The following ZDHHC17 variants were observed in gnomAD, a reference collection of about 807,000 sequenced individuals.
ZDHHC17 encodes the protein zDHHC palmitoyltransferase 17, also known as palmitoyltransferase ZDHHC17.
ZDHHC17 carries 40 observed loss-of-function variants against 90.3 expected under a neutral mutation model. The ratio of observed to expected loss-of-function variants is 0.44; its 90% confidence interval spans 0.34 to 0.58. ZDHHC17 has a LOEUF of 0.58. Ranked by LOEUF, ZDHHC17 falls within the 20% of genes least tolerant of loss-of-function variation. The pLI is 0.01. For synonymous variants in ZDHHC17, 235 were observed against 252.4 expected (o/e 0.93, Z 0.65); for missense variants, 614 against 780.8 (o/e 0.79, Z 2.55).
At chr12:76,848,158 G>GTGC (rs1953517378) in intron 14 of ZDHHC17, 75 bp from the exon 15 acceptor site, 1 of 1,500,294 alleles carries the variant, frequency 6.7e-7, no homozygotes, top group Admixed American at 1.8e-5. Flanking sequence ...TTTCTAAATG[G>GTGC]TGCCAGCACA....
Position 76,766,637 on chromosome 12 carries a change from G to A in ZDHHC17, c.93+2308G>A, listed in dbSNP as rs142699927. 2.0e-3 allele frequency among the ~76,000 whole-genome samples: 299 copies of A among 152,264 alleles called. 2 individuals are homozygous for A. Among genetic ancestry groups the A allele is most frequent in the African/African-American group, 6.6e-3 (273 of 41,542 alleles). On this transcript the variant is annotated intron_variant, in intron 1 of 16. Coordinates refer to ENST00000426126, the MANE Select transcript of ZDHHC17 (RefSeq NM_015336.4). ...GAGAACATAGACTTTGGGTCAGACA[G>A]ACTTGGATTCTAATTCTGGAAATTC...
At chr12:76,838,605 GT>G (rs1953397274) in intron 10 of ZDHHC17, among the ~76,000 whole-genome samples, 1 of 152,158 alleles carries the variant, frequency 6.6e-6, no homozygotes. Flanking sequence ...CTTGCTGAAA[GT>G]TTTTCCTGAG....
chr12:76,835,358 C>T (rs982844722), intron 10 of ZDHHC17, among the ~76,000 whole-genome samples: 8 of 151,866 alleles, frequency 5.3e-5, no homozygotes, highest in South Asian at 2.1e-4. Context: ...GCCAGTCTTA[C>T]GCCATTTTGA....
At chr12:76,812,731 A>G (rs1953040495) in intron 5 of ZDHHC17, among the ~76,000 whole-genome samples, 1 of 151,964 alleles carries the variant, frequency 6.6e-6, no homozygotes, top group Non-Finnish European at 1.5e-5. Flanking sequence ...AATTATATCA[A>G]TTTTACATTG....
chr12:76,777,636 T>A (rs368808318), intron 1 of ZDHHC17, among the ~76,000 whole-genome samples: 3 of 152,242 alleles, frequency 2.0e-5, no homozygotes, highest in East Asian at 1.9e-4. Context: ...TACATTCCAA[T>A]CAGCAGTATA....
At chr12:76,777,071 G>A (rs1372820842) in intron 1 of ZDHHC17, among the ~76,000 whole-genome samples, 1 of 152,132 alleles carries the variant, frequency 6.6e-6, no homozygotes, top group Non-Finnish European at 1.5e-5. Flanking sequence ...GGATAGGATA[G>A]GATAGTATAT....
intron 10 of ZDHHC17, among the ~76,000 whole-genome samples, chr12:76,834,666 C>A (rs928625247): frequency 6.6e-6 from 1 of 152,104 alleles, no homozygotes; most frequent in Non-Finnish European, 1.5e-5. Context: ...ACAAGAGTTT[C>A]TCTGAGGTTA....
rs973646452 is a variant in ZDHHC17 at position 76,851,889 on chromosome 12, A to G, written c.*904A>G. On this transcript the variant is annotated 3_prime_UTR_variant, in exon 17 of 17. Transcript: ENST00000426126. ...AATTCTCAGTAATAGTGATACATGG[A>G]TATACTTCCTTTTAAATTCTCAGCT... 6.6e-6 allele frequency: 1 copy of G among 152,652 alleles called. No homozygotes were observed. The highest frequency in any genetic ancestry group is 6.5e-5 in the Admixed American group (1 of 15,288). 9.5% of individuals were successfully genotyped at this position (152,652 alleles called of 1,614,324 possible).
chr12:76,787,114 A>G (rs2137731415), intron 1 of ZDHHC17, among the ~76,000 whole-genome samples: 1 of 152,324 alleles, frequency 6.6e-6, no homozygotes, highest in East Asian at 1.9e-4. Context: ...AATTTTCCAG[A>G]GTCGTTTTAT....
chr12:76,847,243 GT>G (rs1368354110), intron 14 of ZDHHC17, among the ~76,000 whole-genome samples: 1 of 152,222 alleles, frequency 6.6e-6, no homozygotes, highest in Admixed American at 6.5e-5. Flanking sequence ...TCTGGAAAGA[GT>G]TTAAGTGGAT....
At chr12:76,770,082 A>G (rs912596810) in intron 1 of ZDHHC17, among the ~76,000 whole-genome samples, 1 of 152,128 alleles carries the variant, frequency 6.6e-6, no homozygotes, top group African/African-American at 2.4e-5. Flanking sequence ...CTGCATCCCA[A>G]TTTTCCAAAC....
intron 1 of ZDHHC17, among the ~76,000 whole-genome samples, chr12:76,787,935 G>A (rs1349816140): frequency 1.3e-5 from 2 of 152,282 alleles, no homozygotes; most frequent in East Asian, 3.9e-4. Flanking sequence ...GCTTAGCTGA[G>A]TGTGGTTGTG....
intron 16 of ZDHHC17, 116 bp from the exon 17 acceptor site, chr12:76,850,731 T>C: frequency 7.7e-7 from 1 of 1,305,436 alleles, no homozygotes; most frequent in South Asian, 1.5e-5. Context: ...TTCTTGCAAG[T>C]AACCTGAGTT....
At chr12:76,799,091 C>A (rs1205761254) in intron 2 of ZDHHC17, among the ~76,000 whole-genome samples, 1 of 152,070 alleles carries the variant, frequency 6.6e-6, no homozygotes, top group Non-Finnish European at 1.5e-5. Flanking sequence ...GAGATATAGT[C>A]ATGCCAATAC....
rs906299763 is a variant in ZDHHC17 at position 76,853,081 on chromosome 12, T to A, written c.*2096T>A. ...AAGAATGTTGTTACCATCTTCTTTG[T>A]TTGTGGTACAATATTTTCAGTGCAA... is the stretch of plus-strand genomic sequence containing the variant. On this transcript the variant is annotated 3_prime_UTR_variant, in exon 17 of 17. Coordinates refer to ENST00000426126, the MANE Select transcript of ZDHHC17 (RefSeq NM_015336.4). 2.0e-5 allele frequency: 3 copies of A among 152,192 alleles called. No individual in the cohort carries two copies. Among genetic ancestry groups the A allele is most frequent in the Non-Finnish European group, 2.9e-5 (2 of 68,014 alleles). The allele number at this position is 152,192 out of a possible 1,614,324, so 9.4% of individuals were successfully genotyped here.
intron 3 of ZDHHC17, among the ~76,000 whole-genome samples, chr12:76,806,637 A>G (rs561725922): frequency 1.3e-5 from 2 of 152,194 alleles, no homozygotes; most frequent in African/African-American, 4.8e-5. Context: ...GGCTTCCCAA[A>G]GTGCTGGGAT....
intron 3 of ZDHHC17, among the ~76,000 whole-genome samples, chr12:76,808,576 C>T (rs1355841973): frequency 6.6e-6 from 1 of 152,102 alleles, no homozygotes; most frequent in East Asian, 1.9e-4. Context: ...TTTAAAGGCA[C>T]AAGAAATAAC....
intron 1 of ZDHHC17, among the ~76,000 whole-genome samples, chr12:76,791,792 G>A (rs1952762723): frequency 6.6e-6 from 1 of 152,056 alleles, no homozygotes. Flanking sequence ...GCTATAAATT[G>A]GGTTCCCATG....
At chr12:76,772,873 A>G (rs778485077) in intron 1 of ZDHHC17, among the ~76,000 whole-genome samples, 15 of 150,078 alleles carry the variant, frequency 1.0e-4, no homozygotes, top group Non-Finnish European at 1.6e-4. Context: ...TCTTTGGGAG[A>G]GGGATGGAGT....
Sources: allele counts gnomAD v4.1 joint callset (sites outside exome capture counted in the v4.1 genomes callset), GRCh38; gene constraint gnomAD v4.1.1; transcripts MANE v1.5; gene names NCBI Gene and HGNC (gene_info 2026-07-23, HGNC 2026-07-21).